Variants in ADGRB3 observed in about 807,000 individuals in gnomAD.
ADGRB3 encodes adhesion G protein-coupled receptor B3.
A neutral mutation model predicts 193.4 loss-of-function variants in ADGRB3; 37 were observed. The ratio of observed to expected loss-of-function variants is 0.19; its 90% CI spans 0.15 to 0.25. The LOEUF (loss-of-function observed/expected upper bound fraction) is 0.25. ADGRB3 is among the 10% of genes least tolerant of loss of function. ADGRB3 has a pLI of 1.00. For missense variants in ADGRB3, 1,637 were observed against 1,852.9 expected, an observed-to-expected ratio of 0.88 and a Z score of 2.14; for synonymous variants, 690 against 644.2, an observed-to-expected ratio of 1.07 and a Z score of -1.08.
chr6:69,209,646 C>T (rs1561953346), intron 17 of ADGRB3, among the ~76,000 whole-genome samples: 1 of 152,182 alleles, frequency 6.6e-6, no homozygotes, highest in Non-Finnish European at 1.5e-5. Context: ...TGAGGTAGGA[C>T]AGTAAAGGAG....
At chr6:68,740,663 T>A (rs1399368092) in intron 3 of ADGRB3, among the ~76,000 whole-genome samples, 2 of 152,180 alleles carry the variant, frequency 1.3e-5, no homozygotes, top group African/African-American at 4.8e-5. Context: ...CATGTTATTA[T>A]AATATATGCA....
intron 3 of ADGRB3, among the ~76,000 whole-genome samples, chr6:68,856,939 C>A (rs753880538): frequency 1.3e-5 from 2 of 152,164 alleles, no homozygotes; most frequent in Non-Finnish European, 2.9e-5. Flanking sequence ...ATCCTGCATT[C>A]CAGAAGCTCC....
rs149914169 is a variant in ADGRB3 at position 69,368,750 on chromosome 6, T to C, written c.4240-3656T>C. Among the ~76,000 whole-genome samples, 14 of 152,212 alleles carry C rather than the reference T, an allele frequency of 9.2e-5. No individual in the cohort carries two copies. In the East Asian group the frequency reaches 2.1e-3, roughly 23 times the overall value. Reference sequence around the variant, plus strand: ...GATGAGTGTTTTCATGAGAAAATTATTAACTTTCAAAAGCTTCTGAGTGTC... The same window carrying C: ...GATGAGTGTTTTCATGAGAAAATTACTAACTTTCAAAAGCTTCTGAGTGTC... On this transcript the variant is annotated intron_variant, in intron 29 of 31. Coordinates refer to ENST00000370598, the MANE Select transcript of ADGRB3 (RefSeq NM_001704.3).
intron 20 of ADGRB3, among the ~76,000 whole-genome samples, chr6:69,259,212 C>T (rs1766856007): frequency 6.6e-6 from 1 of 152,252 alleles, no homozygotes; most frequent in Non-Finnish European, 1.5e-5. Flanking sequence ...AATGCAAGTT[C>T]TCAGCTCCAA....
At chr6:68,957,955 C>T (rs1284658979) in intron 8 of ADGRB3, among the ~76,000 whole-genome samples, 1 of 152,078 alleles carries the variant, frequency 6.6e-6, no homozygotes, top group Non-Finnish European at 1.5e-5. Context: ...AATCCCAGCA[C>T]TTTGGGAGGC....
chr6:69,039,024 C>G (rs996864719), intron 13 of ADGRB3, among the ~76,000 whole-genome samples: 8 of 152,092 alleles, frequency 5.3e-5, no homozygotes, highest in African/African-American at 1.9e-4. Flanking sequence ...TGAATCATCC[C>G]TTTGATTGGC....
Position 68,834,402 on chromosome 6 carries a change from A to C in ADGRB3, c.758-96157A>C, listed in dbSNP as rs187395929. ...AATGCTGTAATCCAGAAAAAATGGG[A>C]TATTATTAAGAGAATAATGGTACTA... On this transcript the variant is annotated intron_variant, in intron 3 of 31. Coordinates refer to ENST00000370598, the MANE Select transcript of ADGRB3 (RefSeq NM_001704.3). Among the ~76,000 whole-genome samples the C allele has an allele frequency of 8.9e-4, 136 of 152,280 alleles. 1 individual carries two copies. The highest frequency in any genetic ancestry group is 3.0e-3 in the African/African-American group (123 of 41,566).
intron 20 of ADGRB3, among the ~76,000 whole-genome samples, chr6:69,323,448 AG>A (rs1768504790): frequency 6.6e-6 from 1 of 152,032 alleles, no homozygotes; most frequent in African/African-American, 2.4e-5. Context: ...AATTGGTTAA[AG>A]CTACTGCATT....
At chr6:68,913,613 G>A (rs1368744027) in intron 3 of ADGRB3, among the ~76,000 whole-genome samples, 1 of 152,114 alleles carries the variant, frequency 6.6e-6, no homozygotes, top group African/African-American at 2.4e-5. Context: ...CAGAAAACCT[G>A]GAAACTCTAA....
chr6:69,119,295 T>C (rs143220908), intron 17 of ADGRB3, among the ~76,000 whole-genome samples: 46 of 152,238 alleles, frequency 3.0e-4, no homozygotes, highest in African/African-American at 1.1e-3. Flanking sequence ...TATTCATTCA[T>C]TCAGCAAATA....
chr6:68,930,070 A>C (rs1767296415), intron 3 of ADGRB3, among the ~76,000 whole-genome samples: 1 of 151,894 alleles, frequency 6.6e-6, no homozygotes, highest in South Asian at 2.1e-4. Context: ...TGGATGAAAA[A>C]AAAAAAAAAG....
intron 3 of ADGRB3, among the ~76,000 whole-genome samples, chr6:68,782,759 C>T (rs1318046853): frequency 6.6e-6 from 1 of 152,106 alleles, no homozygotes; most frequent in African/African-American, 2.4e-5. Context: ...TTTTTGGCTG[C>T]ATAAATGTCT....
chr6:68,907,688 T>C (rs1766586755), intron 3 of ADGRB3, among the ~76,000 whole-genome samples: 1 of 151,990 alleles, frequency 6.6e-6, no homozygotes. Flanking sequence ...GACCCTGTTT[T>C]TAGTTGTAAG....
At chr6:69,254,946 G>A (rs2127268990) in intron 20 of ADGRB3, among the ~76,000 whole-genome samples, 1 of 148,284 alleles carries the variant, frequency 6.7e-6, no homozygotes, top group South Asian at 2.1e-4. Flanking sequence ...CTATGAGTGA[G>A]AACATGTGGT....
chr6:68,816,124 G>A (rs1767627417), intron 3 of ADGRB3, among the ~76,000 whole-genome samples: 3 of 151,488 alleles, frequency 2.0e-5, no homozygotes, highest in Admixed American at 2.0e-4. Flanking sequence ...TATATGAAAG[G>A]GAAATAATAT....
At chr6:69,293,912 G>A (rs112332251) in intron 20 of ADGRB3, among the ~76,000 whole-genome samples, 3,995 of 152,130 alleles carry the variant, frequency 0.026, 81 homozygotes, top group Non-Finnish European at 0.041. Context: ...AAGGAACAGA[G>A]TAGGATTTTT....
intron 30 of ADGRB3, among the ~76,000 whole-genome samples, chr6:69,374,204 T>C (rs939567326): frequency 6.6e-6 from 1 of 152,124 alleles, no homozygotes; most frequent in African/African-American, 2.4e-5. Flanking sequence ...TGTTTAGAGC[T>C]ATTTCCCTTA....
At chr6:68,642,450 C>T (rs924132801) in intron 3 of ADGRB3, among the ~76,000 whole-genome samples, 1 of 152,030 alleles carries the variant, frequency 6.6e-6, no homozygotes, top group African/African-American at 2.4e-5. Context: ...ATAATATATT[C>T]ATGTACTGAA....
At chr6:69,026,319 A>C (rs1449084660) in intron 13 of ADGRB3, among the ~76,000 whole-genome samples, 1 of 152,162 alleles carries the variant, frequency 6.6e-6, no homozygotes, top group African/African-American at 2.4e-5. Flanking sequence ...GCGGTATTTG[A>C]ATATAGAACT....
Sources: gnomAD v4.1 joint callset for allele counts (sites outside exome capture counted in the v4.1 genomes callset) on GRCh38, gnomAD v4.1.1 for gene constraint, MANE v1.5 for transcripts, NCBI Gene and HGNC (gene_info 2026-07-23, HGNC 2026-07-21) for gene names.